CYP2A13: variants seen among roughly 807,000 people sequenced by gnomAD.
CYP2A13 encodes the protein cytochrome P450 family 2 subfamily A member 13.
CYP2A13 carries 30 observed loss-of-function variants against 39.4 expected under a neutral mutation model. That is an observed-to-expected ratio of 0.76 (90% CI 0.57 to 1.03). The LOEUF is 1.03. Among genes scored for constraint, CYP2A13 ranks in the 50% least tolerant of loss-of-function variants. CYP2A13 has a pLI of 0.00. For synonymous variants in CYP2A13, 269 were observed against 254.7 expected (o/e 1.06, Z -0.54); for missense variants, 731 against 648.4 (o/e 1.13, Z -1.38).
intron 2 of CYP2A13, among the ~76,000 whole-genome samples, chr19:41,089,553 C>T (rs1393004861): frequency 1.3e-5 from 2 of 151,978 alleles, no homozygotes; most frequent in South Asian, 2.1e-4. Flanking sequence ...ATTGTCTGTC[C>T]TCCTTCCCGA....
Position 41,095,022 on chromosome 19 carries a change from C to A in CYP2A13, c.1225C>A (p.Arg409=). 2 of 1,614,144 alleles carry A rather than the reference C, an allele frequency of 1.2e-6. No homozygotes were observed. Among genetic ancestry groups the A allele is most frequent in the Non-Finnish European group, 1.7e-6 (2 of 1,180,036 alleles). ...LRDPRFFSNP[R]DFNPQHFLDK... ...AGACCCCAGGTTCTTCTCCAACCCC[C>A]GGGACTTCAATCCCCAGCACTTCCT... The change falls in exon 8 of 9, where the codon CGG becomes AGG. Residue 409 remains arginine, a synonymous_variant. Coordinates refer to ENST00000330436, the MANE Select transcript of CYP2A13 (RefSeq NM_000766.5).
chr19:41,089,146 G>A, intron 2 of CYP2A13, 55 bp downstream of exon 2: 1 of 1,606,250 alleles, frequency 6.2e-7, no homozygotes, highest in Non-Finnish European at 8.5e-7. Flanking sequence ...TGGTCTCCGT[G>A]TCCCCAGCCT....
At position 41,094,345 on chromosome 19, in the gene CYP2A13, G is replaced by C. The variant is rs2031254871; in HGVS notation, c.1074G>C (p.Glu358Asp). 6.2e-7 allele frequency: 1 copy of C among 1,614,030 alleles called. No individual in the cohort carries two copies. The highest frequency in any genetic ancestry group is 1.3e-5 in the African/African-American group (1 of 74,904). ...CCTACACAGAGGCAGTGATCCACGAGATCCAAAGATTTGGAGACATGCTCC... is the reference window on the plus strand; with the variant it reads ...CCTACACAGAGGCAGTGATCCACGACATCCAAAGATTTGGAGACATGCTCC... ...KMPYTEAVIH[E>D]IQRFGDMLPM... The change falls in exon 7 of 9, where the codon GAG (glutamate) becomes GAC (aspartate). Residue 358 changes from glutamate (E) to aspartate (D), a missense_variant. By Grantham distance (45) the Glu-to-Asp change is conservative (BLOSUM62 2). Coordinates refer to ENST00000330436, the MANE Select transcript of CYP2A13 (RefSeq NM_000766.5).
chr19:41,089,160 C>G, intron 2 of CYP2A13, 69 bp downstream of exon 2: 1 of 1,597,894 alleles, frequency 6.3e-7, no homozygotes. Context: ...CCAGCCTTCT[C>G]CCTGACTCTC....
At chr19:41,091,616 C>G in intron 4 of CYP2A13, 116 bp from the exon 5 acceptor site, 1 of 1,475,192 alleles carries the variant, frequency 6.8e-7, no homozygotes, top group South Asian at 1.4e-5. Flanking sequence ...ACCTAAACAC[C>G]TGGACAGATG....
intron 8 of CYP2A13, 137 bp from the exon 9 acceptor site, chr19:41,095,623 T>A: frequency 8.8e-7 from 1 of 1,134,922 alleles, no homozygotes; most frequent in Non-Finnish European, 1.3e-6. Flanking sequence ...TCAGGGAGGA[T>A]CGGAGTCTCC....
chr19:41,096,015 A>AG lies in CYP2A13; in HGVS notation c.*78dup. 1 of 154,108 alleles carries AG rather than the reference A, an allele frequency of 6.5e-6. No individual in the cohort carries two copies. Among genetic ancestry groups the AG allele is most frequent in the South Asian group, 4.1e-5 (1 of 24,286 alleles). The allele number at this position is 154,108 out of a possible 1,614,324, so 9.5% of individuals were successfully genotyped here. On this transcript the variant is annotated 3_prime_UTR_variant, in exon 9 of 9. Coordinates refer to ENST00000330436, the MANE Select transcript of CYP2A13 (RefSeq NM_000766.5). ...CCGGGGCAGGGGCGGGGCTTGTGGG[A>AG]GGGGCGGGGCTAAGAATGGGGGCAG... is the stretch of plus-strand genomic sequence containing the variant.
chr19:41,089,950 C>T lies in CYP2A13; in HGVS notation c.344-97C>T, dbSNP rs1489296879. ...GAATCCATCTCTCTCCCACCCCACT[C>T]CCTCTCTGCTCCACCCTTGGGGAGC... On this transcript the variant is annotated intron_variant, in intron 2 of 8. Transcript: ENST00000330436. 2.8e-6 allele frequency: 4 copies of T among 1,416,038 alleles called. No homozygotes were observed. In the Admixed American group the frequency reaches 8.6e-5, roughly 30 times the overall value. 87.7% of individuals were successfully genotyped at this position (1,416,038 alleles called of 1,614,324 possible).
Position 41,094,237 on chromosome 19 carries a change from T to G in CYP2A13, c.974-8T>G, listed in dbSNP as rs371423153. The G allele has an allele frequency of 3.8e-5, 61 of 1,613,080 alleles. No individual in the cohort carries two copies. The African/African-American group carries it at 6.8e-4, about 18-fold the overall frequency. ...TAGACACCTAAACACATTCCCCTCC[T>G]CCCCCAGCCAAGGTCCATGAGGAGA... On this transcript the variant is annotated splice_polypyrimidine_tract_variant and splice_region_variant and intron_variant, in intron 6 of 8. Transcript: ENST00000330436.
chr19:41,090,449 A>G lies in CYP2A13; in HGVS notation c.539A>G (p.Asn180Ser), dbSNP rs1331572024. The change falls in exon 4 of 9, where the codon AAT (asparagine) becomes AGT (serine). Residue 180 changes from asparagine (N) to serine (S), a missense_variant. Physicochemically the swap from Asn to Ser is conservative, Grantham distance 46. Coordinates refer to ENST00000330436, the MANE Select transcript of CYP2A13 (RefSeq NM_000766.5). ...TTCTTCCTGAGCCGCACAGTCTCCA[A>G]TGTCATCAGCTCCATTGTCTTTGGG... ...PTFFLSRTVS[N>S]VISSIVFGDR... 11 of 1,614,152 alleles carry G rather than the reference A, an allele frequency of 6.8e-6. No homozygotes were observed. Among genetic ancestry groups the G allele is most frequent in the Middle Eastern group, 1.6e-4 (1 of 6,062 alleles).
chr19:41,090,011 C>G (rs764714733), intron 2 of CYP2A13, 36 bp from the exon 3 acceptor site: 2 of 1,594,358 alleles, frequency 1.3e-6, no homozygotes, highest in African/African-American at 2.7e-5. Context: ...CCCGCCGCCC[C>G]CTGACCTCTC....
chr19:41,094,212 T>C, intron 6 of CYP2A13, 33 bp from the exon 7 acceptor site: 1 of 1,610,478 alleles, frequency 6.2e-7, no homozygotes, highest in Non-Finnish European at 8.5e-7. Flanking sequence ...CTAAGACCCC[T>C]AGACACCTAA....
intron 2 of CYP2A13, 109 bp downstream of exon 2, chr19:41,089,200 C>A: frequency 6.5e-7 from 1 of 1,538,572 alleles, no homozygotes; most frequent in Admixed American, 1.9e-5. Flanking sequence ...GCAGAGCCCC[C>A]TGTCTGGTCT....
chr19:41,089,848 CTCTCTCTCTCTCTCTCTCTCTCTCGTGCT>C (rs1568366702), intron 2 of CYP2A13, among the ~76,000 whole-genome samples, 170 bp from the exon 3 acceptor site: 29 of 124,762 alleles, frequency 2.3e-4, no homozygotes, highest in East Asian at 1.3e-3. Flanking sequence ...CTCTCTCTCT[CTCTCTCTCTCTCTCTCTCTCTCTCGTGCT>C]CTCGTGTTTC....
Position 41,089,886 on chromosome 19 carries a change from T to C in CYP2A13, c.344-161T>C, listed in dbSNP as rs982301853. Among the ~76,000 whole-genome samples, 7 of 146,112 alleles carry C rather than the reference T, an allele frequency of 4.8e-5. No homozygotes were observed. In the Admixed American group the frequency reaches 4.8e-4, roughly 10 times the overall value. On this transcript the variant is annotated intron_variant, in intron 2 of 8. Coordinates refer to ENST00000330436, the MANE Select transcript of CYP2A13 (RefSeq NM_000766.5). ...TCTCTCTCTCTCGTGCTCTCGTGTTTCTCTGACTGAGTTTGCAGCTCTCCT... is the reference window on the plus strand; with the variant it reads ...TCTCTCTCTCTCGTGCTCTCGTGTTCCTCTGACTGAGTTTGCAGCTCTCCT...
intron 8 of CYP2A13, among the ~76,000 whole-genome samples, 187 bp from the exon 9 acceptor site, chr19:41,095,573 G>A (rs146140974): frequency 6.6e-6 from 1 of 152,192 alleles, no homozygotes; most frequent in Non-Finnish European, 1.5e-5. Flanking sequence ...ATCAATATTG[G>A]TTCACCATTG....
chr19:41,096,039 A>C lies in CYP2A13; in HGVS notation c.*98A>C. On this transcript the variant is annotated 3_prime_UTR_variant, in exon 9 of 9. Coordinates refer to ENST00000330436, the MANE Select transcript of CYP2A13 (RefSeq NM_000766.5). Reference sequence around the variant, plus strand: ...GAGGGGCGGGGCTAAGAATGGGGGCAGTGGGGGAAGGAAGGGGAGAGGTGG... The same window carrying C: ...GAGGGGCGGGGCTAAGAATGGGGGCCGTGGGGGAAGGAAGGGGAGAGGTGG... 1 of 690,714 alleles carries C rather than the reference A, an allele frequency of 1.4e-6. No homozygotes were observed. Among genetic ancestry groups the C allele is most frequent in the Non-Finnish European group, 2.3e-6 (1 of 435,870 alleles). The allele number at this position is 690,714 out of a possible 1,614,324, so 42.8% of individuals were successfully genotyped here.
In CYP2A13 at chr19:41,090,556, A is replaced by G. The variant is rs1215576612; in HGVS notation, c.646A>G (p.Thr216Ala). The G allele has an allele frequency of 3.1e-6, 5 of 1,613,910 alleles. No individual in the cohort carries two copies. Among genetic ancestry groups the G allele is most frequent in the Non-Finnish European group, 4.2e-6 (5 of 1,179,936 alleles). The change falls in exon 4 of 9, where the codon ACG (threonine) becomes GCG (alanine). Residue 216 changes from threonine to alanine, a missense_variant. Physicochemically the swap from Thr to Ala is moderately conservative, Grantham distance 58. Transcript: ENST00000330436. The part of the protein sequence containing the change: ...LGSFQFTATS[T>A]GQLYEMFSSV... ...AAGCTTCCAGTTCACGGCAACCTCC[A>G]CGGGGCAGGTAACTGGCTGCAGCCC...
chr19:41,088,588 A>G lies in CYP2A13; in HGVS notation c.117A>G (p.Pro39=), dbSNP rs770313988. The change falls in exon 1 of 9, where the codon CCA becomes CCG. Residue 39 remains proline (P), a synonymous_variant. Transcript: ENST00000330436. ...GGAAGCTGCCTCCGGGACCCACCCC[A>G]TTGCCCTTCATTGGAAACTACCTGC... is the stretch of plus-strand genomic sequence containing the variant. ...SRGKLPPGPT[P]LPFIGNYLQL... 4.3e-6 allele frequency: 7 copies of G among 1,613,854 alleles called. No individual in the cohort carries two copies. Among genetic ancestry groups the G allele is most frequent in the East Asian group, 2.2e-5 (1 of 44,886 alleles).
Sources: gnomAD v4.1 joint callset for allele counts (sites outside exome capture counted in the v4.1 genomes callset) on GRCh38, gnomAD v4.1.1 for gene constraint, MANE v1.5 for transcripts, NCBI Gene and HGNC (gene_info 2026-07-23, HGNC 2026-07-21) for gene names.